The following MAMDC2 variants were observed in gnomAD, a reference collection of about 807,000 sequenced individuals.
MAMDC2 encodes the protein MAM domain containing 2.
A neutral mutation model predicts 89.8 loss-of-function variants in MAMDC2; 57 were observed. The ratio of observed to expected loss-of-function variants is 0.63; its 90% CI spans 0.51 to 0.79. The LOEUF (loss-of-function observed/expected upper bound fraction) is 0.79, where lower values mean the gene tolerates loss of function less well. Ranked by LOEUF, MAMDC2 falls within the 30% of genes least tolerant of loss-of-function variation. The pLI is 0.00. For synonymous variants in MAMDC2, 313 were observed against 293.4 expected (o/e 1.07, Z -0.68); for missense variants, 800 against 820.6 (o/e 0.97, Z 0.31).
intron 5 of MAMDC2, among the ~76,000 whole-genome samples, chr9:70,121,707 T>C (rs756057354): frequency 1.6e-4 from 19 of 116,992 alleles, no homozygotes; most frequent in Admixed American, 3.1e-4. Flanking sequence ...ATCTTAACGA[T>C]CTGACAAAGG....
intron 9 of MAMDC2, among the ~76,000 whole-genome samples, chr9:70,160,527 A>G (rs2031934969): frequency 6.6e-6 from 1 of 152,154 alleles, no homozygotes; most frequent in Non-Finnish European, 1.5e-5. Flanking sequence ...AAGAACATGA[A>G]CTTTGCAATC....
At chr9:70,214,294 A>G (rs1367690431) in intron 11 of MAMDC2, among the ~76,000 whole-genome samples, 1 of 152,220 alleles carries the variant, frequency 6.6e-6, no homozygotes, top group Non-Finnish European at 1.5e-5. Flanking sequence ...CTGAGCAAAG[A>G]CTTAAAGGAG....
Position 70,044,164 on chromosome 9 carries a change from A to G in MAMDC2, c.-34A>G. 1 of 1,613,184 alleles carries G rather than the reference A, an allele frequency of 6.2e-7. No individual in the cohort carries two copies. The highest frequency in any genetic ancestry group is 1.3e-5 in the African/African-American group (1 of 74,964). On this transcript the variant is annotated 5_prime_UTR_variant, in exon 1 of 14. Coordinates refer to ENST00000377182, the MANE Select transcript of MAMDC2 (RefSeq NM_153267.5). ...CAGTCCCAGCGGGCTGGCAACTTGC[A>G]CCCCTTCCTAGTCATCCTCCCTGAA...
chr9:70,199,975 C>A (rs1051667761), intron 11 of MAMDC2, among the ~76,000 whole-genome samples: 1 of 152,090 alleles, frequency 6.6e-6, no homozygotes, highest in Non-Finnish European at 1.5e-5. Flanking sequence ...GAGTGGGTTG[C>A]GAAAATTTTC....
In MAMDC2 at chr9:70,140,815, TAA is replaced by T. The variant is rs2031189191; in HGVS notation, c.1138+528_1138+529del. On this transcript the variant is annotated intron_variant, in intron 8 of 13. Coordinates refer to ENST00000377182, the MANE Select transcript of MAMDC2 (RefSeq NM_153267.5). ...ATTTTATACCATGTATATTTTACTA[TAA>T]TTTAAAAAATCTATTCTGAGGGGAA... is the stretch of plus-strand genomic sequence containing the variant. Among the ~76,000 whole-genome samples the T allele has an allele frequency of 5.9e-5, 9 of 152,332 alleles. No homozygotes were observed. The South Asian group carries it at 1.9e-3, about 32-fold the overall frequency.
chr9:70,112,157 G>A (rs1179961647), intron 4 of MAMDC2, among the ~76,000 whole-genome samples: 2 of 152,116 alleles, frequency 1.3e-5, no homozygotes, highest in Non-Finnish European at 1.5e-5. Flanking sequence ...ATCCGCAGGG[G>A]GCCAGTGGCC....
intron 12 of MAMDC2, among the ~76,000 whole-genome samples, chr9:70,220,023 A>G (rs2033528828): frequency 6.6e-6 from 1 of 152,186 alleles, no homozygotes; most frequent in Admixed American, 6.5e-5. Context: ...GGGGCCCCAG[A>G]AATCTGTTTT....
chr9:70,181,519 CTT>C (rs2032646005), intron 11 of MAMDC2, among the ~76,000 whole-genome samples: 1 of 152,068 alleles, frequency 6.6e-6, no homozygotes, highest in South Asian at 2.1e-4. Context: ...TGTGTCCTCT[CTT>C]ATTTTTCTTG....
chr9:70,105,512 G>A (rs7850742), intron 2 of MAMDC2, among the ~76,000 whole-genome samples: 75,936 of 151,908 alleles, frequency 0.5, 21,615 homozygotes, highest in Non-Finnish European at 0.63. Flanking sequence ...ATCTTTGCAT[G>A]GACTGTAATG....
intron 2 of MAMDC2, among the ~76,000 whole-genome samples, chr9:70,057,830 C>A (rs1228876377): frequency 1.3e-5 from 2 of 152,184 alleles, no homozygotes; most frequent in East Asian, 3.8e-4. Flanking sequence ...TGGAGAGAGA[C>A]CATCTGAGAT....
chr9:70,087,694 G>A (rs1827801595), intron 2 of MAMDC2: 1 of 152,130 alleles, frequency 6.6e-6, no homozygotes, highest in Admixed American at 6.6e-5. Context: ...AAATAAGGAA[G>A]GGCAGATTTT....
At chr9:70,130,077 A>G (rs1587498332) in intron 6 of MAMDC2, among the ~76,000 whole-genome samples, 1 of 151,192 alleles carries the variant, frequency 6.6e-6, no homozygotes, top group Non-Finnish European at 1.5e-5. Context: ...TCTCCTTTTT[A>G]TAAGGACACC....
chr9:70,067,068 A>G (rs1349292724), intron 2 of MAMDC2, among the ~76,000 whole-genome samples: 1 of 152,164 alleles, frequency 6.6e-6, no homozygotes, highest in Non-Finnish European at 1.5e-5. Context: ...CAGAGGTAGA[A>G]ATTGTGTGGC....
At chr9:70,110,461 G>C (rs1319122142) in intron 4 of MAMDC2, among the ~76,000 whole-genome samples, 1 of 152,200 alleles carries the variant, frequency 6.6e-6, no homozygotes. Context: ...TGGAGCAGGA[G>C]TTTCAAGAAG....
intron 7 of MAMDC2, among the ~76,000 whole-genome samples, chr9:70,138,694 G>A (rs2118396587): frequency 6.6e-6 from 1 of 152,238 alleles, no homozygotes; most frequent in African/African-American, 2.4e-5. Flanking sequence ...CCATTTGTAT[G>A]TCTTCTCAAA....
Position 70,046,236 on chromosome 9 carries a change from G to A in MAMDC2, c.148+1539G>A, listed in dbSNP as rs147457124. 2.6e-5 allele frequency among the ~76,000 whole-genome samples: 4 copies of A among 152,334 alleles called. No individual in the cohort carries two copies. The East Asian group carries it at 7.7e-4, about 29-fold the overall frequency. ...GAGAATTTCTAACAAGTTCCCAGGT[G>A]ATGCTGATGATGCTGGTCTCGGGAC... On this transcript the variant is annotated intron_variant, in intron 2 of 13. Transcript: ENST00000377182.
chr9:70,191,488 AT>A (rs2032879824), intron 11 of MAMDC2, among the ~76,000 whole-genome samples: 1 of 145,590 alleles, frequency 6.9e-6, no homozygotes, highest in South Asian at 2.4e-4. Flanking sequence ...CCCCACCCCC[AT>A]CCCCTCTGGT....
At position 70,068,917 on chromosome 9, in the gene MAMDC2, G is replaced by C. The variant is rs1219347916; in HGVS notation, c.148+24220G>C. On this transcript the variant is annotated intron_variant, in intron 2 of 13. Coordinates refer to ENST00000377182, the MANE Select transcript of MAMDC2 (RefSeq NM_153267.5). ...AGACATTACAATGCTGTAATGAATGGGTATGATTTAAAAGTTAGGTAAAGC... is the reference window on the plus strand; with the variant it reads ...AGACATTACAATGCTGTAATGAATGCGTATGATTTAAAAGTTAGGTAAAGC... 2.0e-5 allele frequency among the ~76,000 whole-genome samples: 3 copies of C among 152,142 alleles called. No homozygotes were observed. In the East Asian group the frequency reaches 5.8e-4, roughly 29 times the overall value.
intron 2 of MAMDC2, among the ~76,000 whole-genome samples, chr9:70,087,988 T>C (rs367705943): frequency 6.6e-6 from 1 of 152,186 alleles, no homozygotes; most frequent in African/African-American, 2.4e-5. Flanking sequence ...AATTTAAACA[T>C]ATCTAAATTT....
Sources: gnomAD v4.1 joint callset for allele counts (sites outside exome capture counted in the v4.1 genomes callset) on GRCh38, gnomAD v4.1.1 for gene constraint, MANE v1.5 for transcripts, NCBI Gene and HGNC (gene_info 2026-07-23, HGNC 2026-07-21) for gene names.